Variants in SNTG1 observed in about 807,000 individuals in gnomAD.
SNTG1 encodes the protein gamma-1-syntrophin.
SNTG1 carries 39 observed loss-of-function variants against 74.7 expected under a neutral mutation model. That is an observed-to-expected ratio of 0.52 (90% confidence interval 0.40 to 0.68). The LOEUF is 0.68. Among genes scored for constraint, SNTG1 ranks in the 30% least tolerant of loss-of-function variants. The pLI is 0.00. For missense variants in SNTG1, 685 were observed against 609.5 expected (o/e 1.12, Z -1.30); for synonymous variants, 254 against 217.1 (o/e 1.17, Z -1.49).
chr8:50,061,293 C>T (rs901332870), intron 1 of SNTG1, among the ~76,000 whole-genome samples: 4 of 151,936 alleles, frequency 2.6e-5, no homozygotes, highest in Non-Finnish European at 5.9e-5. Flanking sequence ...AGTTTTCTGT[C>T]GAACTTCTGA....
At chr8:49,992,658 C>T (rs1032310881) in intron 1 of SNTG1, among the ~76,000 whole-genome samples, 2 of 152,150 alleles carry the variant, frequency 1.3e-5, no homozygotes, top group African/African-American at 4.8e-5. Context: ...ATGATAGTGC[C>T]TACCATCAGC....
rs1034972845 is a variant in SNTG1 at position 50,427,336 on chromosome 8, C to T, written c.163-11207C>T. Among the ~76,000 whole-genome samples, 8 of 152,204 alleles carry T rather than the reference C, an allele frequency of 5.3e-5. No homozygotes were observed. The East Asian group carries it at 7.7e-4, about 15-fold the overall frequency. On this transcript the variant is annotated intron_variant, in intron 4 of 18. Coordinates refer to ENST00000642720, the MANE Select transcript of SNTG1 (RefSeq NM_018967.5). ...TGATTATTATTAATATCAATATTTA[C>T]AAATGGTATGAATCTGTTTAAAAAC...
intron 15 of SNTG1, among the ~76,000 whole-genome samples, chr8:50,674,643 G>C (rs996892163): frequency 6.6e-6 from 1 of 151,228 alleles, no homozygotes; most frequent in Non-Finnish European, 1.5e-5. Flanking sequence ...ATTTTTGGAG[G>C]GATTTTGTGT....
intron 1 of SNTG1, among the ~76,000 whole-genome samples, chr8:50,066,458 T>C (rs563202963): frequency 2.5e-4 from 38 of 152,264 alleles, no homozygotes; most frequent in African/African-American, 8.9e-4. Context: ...GAGTAGCAAC[T>C]TTCTGGAAAT....
At chr8:50,565,827 C>A (rs1226918430) in intron 12 of SNTG1, among the ~76,000 whole-genome samples, 2 of 151,628 alleles carry the variant, frequency 1.3e-5, no homozygotes, top group Non-Finnish European at 2.9e-5. Flanking sequence ...AGTATGAGGA[C>A]AATTTCCTAA....
intron 1 of SNTG1, among the ~76,000 whole-genome samples, chr8:49,922,473 G>C (rs1034356214): frequency 6.6e-6 from 1 of 152,076 alleles, no homozygotes; most frequent in African/African-American, 2.4e-5. Flanking sequence ...ACAGTTTAGA[G>C]CATTAATGGG....
chr8:50,750,313 G>A (rs575373640), intron 17 of SNTG1, among the ~76,000 whole-genome samples: 2 of 152,060 alleles, frequency 1.3e-5, no homozygotes, highest in South Asian at 4.1e-4. Context: ...TTCTTATGGA[G>A]GAGCAAAGAA....
At chr8:49,931,565 A>T (rs1807594417) in intron 1 of SNTG1, among the ~76,000 whole-genome samples, 1 of 152,208 alleles carries the variant, frequency 6.6e-6, no homozygotes, top group Non-Finnish European at 1.5e-5. Context: ...AAAAGTTGAA[A>T]TATTTTTAAA....
At chr8:49,989,423 T>C (rs1813473663) in intron 1 of SNTG1, among the ~76,000 whole-genome samples, 3 of 151,962 alleles carry the variant, frequency 2.0e-5, no homozygotes, top group Admixed American at 2.0e-4. Flanking sequence ...TGAATAGATA[T>C]ATAAGCAGTT....
At chr8:50,565,614 T>G (rs1015688955) in intron 12 of SNTG1, among the ~76,000 whole-genome samples, 4 of 152,046 alleles carry the variant, frequency 2.6e-5, no homozygotes, top group African/African-American at 9.7e-5. Context: ...GCAAACATTT[T>G]GTGAGAGCTT....
intron 11 of SNTG1, among the ~76,000 whole-genome samples, chr8:50,544,218 A>G (rs2094369398): frequency 6.6e-6 from 1 of 152,056 alleles, no homozygotes; most frequent in Non-Finnish European, 1.5e-5. Flanking sequence ...TCATAGAGCC[A>G]TACATGTATA....
intron 1 of SNTG1, among the ~76,000 whole-genome samples, chr8:50,135,100 C>T (rs764996489): frequency 2.0e-5 from 3 of 152,080 alleles, no homozygotes; most frequent in Non-Finnish European, 4.4e-5. Context: ...TGCACAGCTG[C>T]GTGCTGCAGT....
At chr8:50,006,761 C>T (rs1472701027) in intron 1 of SNTG1, among the ~76,000 whole-genome samples, 1 of 152,096 alleles carries the variant, frequency 6.6e-6, no homozygotes, top group Non-Finnish European at 1.5e-5. Context: ...GTTGCTGGTG[C>T]CACTAATTAG....
chr8:50,767,879 G>T (rs949490943), intron 18 of SNTG1, among the ~76,000 whole-genome samples: 3 of 151,886 alleles, frequency 2.0e-5, no homozygotes, highest in Admixed American at 6.6e-5. Flanking sequence ...TACACACATT[G>T]GTGTAGCTTT....
intron 2 of SNTG1, among the ~76,000 whole-genome samples, chr8:50,294,523 C>T (rs917132122): frequency 2.6e-5 from 4 of 152,142 alleles, no homozygotes; most frequent in Non-Finnish European, 5.9e-5. Flanking sequence ...GCTGATGTTG[C>T]ACTTCAAGTT....
intron 9 of SNTG1, among the ~76,000 whole-genome samples, chr8:50,506,445 T>C (rs2094007276): frequency 6.6e-6 from 1 of 152,070 alleles, no homozygotes; most frequent in Non-Finnish European, 1.5e-5. Context: ...AGCATGAACA[T>C]TTTAACAATA....
chr8:50,428,832 C>T (rs1381760827), intron 4 of SNTG1, among the ~76,000 whole-genome samples: 1 of 152,098 alleles, frequency 6.6e-6, no homozygotes, highest in East Asian at 1.9e-4. Flanking sequence ...GAGGTAAGTT[C>T]TGTGCCTAAG....
At chr8:50,656,288 G>A (rs982539695) in intron 13 of SNTG1, among the ~76,000 whole-genome samples, 2 of 152,114 alleles carry the variant, frequency 1.3e-5, no homozygotes, top group Non-Finnish European at 2.9e-5. Flanking sequence ...CAAAATCTTT[G>A]TTTGGAAATC....
chr8:50,325,232 G>A (rs989185761), intron 2 of SNTG1, among the ~76,000 whole-genome samples: 1 of 151,414 alleles, frequency 6.6e-6, no homozygotes, highest in Non-Finnish European at 1.5e-5. Flanking sequence ...CTTAACTTTA[G>A]AATCAGTGTG....
Sources: gnomAD v4.1 joint callset for allele counts (sites outside exome capture counted in the v4.1 genomes callset) on GRCh38, gnomAD v4.1.1 for gene constraint, MANE v1.5 for transcripts, NCBI Gene and HGNC (gene_info 2026-07-23, HGNC 2026-07-21) for gene names.